Variants in HS1BP3 observed in about 807,000 individuals in gnomAD.
HS1BP3 encodes the protein HCLS1 binding protein 3, also known as HCLS1-binding protein 3.
HS1BP3 carries 32 observed loss-of-function variants against 33.5 expected under a neutral mutation model. The ratio of observed to expected loss-of-function variants is 0.95; its 90% CI spans 0.72 to 1.28. The LOEUF (loss-of-function observed/expected upper bound fraction) is 1.28, where lower values mean the gene tolerates loss of function less well. Ranked by LOEUF, HS1BP3 falls within the 50% of genes most tolerant of loss-of-function variation. HS1BP3 has a pLI of 0.00. For synonymous variants in HS1BP3, 187 were observed against 209.2 expected (o/e 0.89, Z 0.92); for missense variants, 486 against 502.3 (o/e 0.97, Z 0.31).
intron 3 of HS1BP3, chr2:20,640,581 G>C: frequency 2.2e-6 from 1 of 451,800 alleles, no homozygotes. Flanking sequence ...CAGCTTTCCC[G>C]GGATACTGCA....
At chr2:20,564,821 T>G (rs1323959007) in intron 5 of HS1BP3, among the ~76,000 whole-genome samples, 1 of 152,188 alleles carries the variant, frequency 6.6e-6, no homozygotes, top group Non-Finnish European at 1.5e-5. Context: ...GAGAGTCATT[T>G]TATGGGTCTC....
At chr2:20,608,618 C>T (rs1417884650) in intron 2 of HS1BP3, among the ~76,000 whole-genome samples, 4 of 150,892 alleles carry the variant, frequency 2.7e-5, no homozygotes, top group Non-Finnish European at 4.4e-5. Flanking sequence ...AACGGGCATC[C>T]TGTCTTGTTC....
chr2:20,561,562 C>G (rs1466070546), intron 5 of HS1BP3, among the ~76,000 whole-genome samples: 5 of 152,122 alleles, frequency 3.3e-5, no homozygotes, highest in African/African-American at 4.8e-5. Context: ...CACACACATA[C>G]ACACACACCC....
intron 1 of HS1BP3, among the ~76,000 whole-genome samples, chr2:20,645,954 TG>T (rs931925660): frequency 6.6e-6 from 1 of 152,050 alleles, no homozygotes; most frequent in Non-Finnish European, 1.5e-5. Flanking sequence ...ACAGGCCCCC[TG>T]GGGGGGACAC....
intron 1 of HS1BP3, among the ~76,000 whole-genome samples, chr2:20,646,647 C>T (rs1695529232): frequency 6.6e-6 from 1 of 152,274 alleles, no homozygotes; most frequent in East Asian, 1.9e-4. Flanking sequence ...AAAAGTGCAG[C>T]AAGGGCCGAA....
chr2:20,599,969 A>T (rs1373786714), intron 2 of HS1BP3, among the ~76,000 whole-genome samples: 2 of 152,100 alleles, frequency 1.3e-5, no homozygotes, highest in East Asian at 1.9e-4. Context: ...CAGCAGTGAG[A>T]GCTGATTCCA....
At chr2:20,563,166 T>C (rs730481) in intron 5 of HS1BP3, among the ~76,000 whole-genome samples, 6,249 of 152,320 alleles carry the variant, frequency 0.041, 280 homozygotes, top group African/African-American at 0.11. Flanking sequence ...GGGCTACTCG[T>C]CATGCTCACC....
chr2:20,622,226 A>T, intron 6 of HS1BP3: 10 of 1,298,814 alleles, frequency 7.7e-6, no homozygotes, highest in Middle Eastern at 2.1e-4. Flanking sequence ...AAGTCCAACT[A>T]CTCCCTGGAT....
chr2:20,573,291 T>C (rs1362638029), intron 5 of HS1BP3, among the ~76,000 whole-genome samples: 1 of 152,178 alleles, frequency 6.6e-6, no homozygotes, highest in African/African-American at 2.4e-5. Flanking sequence ...ATGGGCCTGC[T>C]GACACCTTGG....
At chr2:20,580,665 C>T (rs1693512153) in intron 5 of HS1BP3, among the ~76,000 whole-genome samples, 1 of 152,126 alleles carries the variant, frequency 6.6e-6, no homozygotes, top group African/African-American at 2.4e-5. Context: ...GTCAACCTCG[C>T]TAGTTATCAG....
chr2:20,624,599 G>A (rs932333303), intron 5 of HS1BP3, 133 bp downstream of exon 5: 5 of 816,248 alleles, frequency 6.1e-6, no homozygotes, highest in Non-Finnish European at 9.3e-6. Flanking sequence ...GCACAAAGCT[G>A]AGTCTATATC....
chr2:20,629,392 C>T (rs1376890470), intron 4 of HS1BP3, among the ~76,000 whole-genome samples: 1 of 152,214 alleles, frequency 6.6e-6, no homozygotes, highest in Admixed American at 6.5e-5. Flanking sequence ...GCCCTCCAGC[C>T]CGCCCTCTGC....
chr2:20,604,280 C>T (rs1008224230), intron 2 of HS1BP3, among the ~76,000 whole-genome samples: 6 of 152,174 alleles, frequency 3.9e-5, no homozygotes, highest in African/African-American at 1.2e-4. Flanking sequence ...TCATTCACCC[C>T]TCAGCTGCAG....
intron 6 of HS1BP3, 38 bp downstream of exon 6, chr2:20,623,858 C>G: frequency 3.1e-6 from 5 of 1,596,278 alleles, no homozygotes; most frequent in Admixed American, 3.5e-5. Flanking sequence ...CCAGAACACT[C>G]TCAGAGCTGG....
At chr2:20,572,807 G>A (rs56737091) in intron 5 of HS1BP3, among the ~76,000 whole-genome samples, 10,617 of 152,170 alleles carry the variant, frequency 0.07, 1,199 homozygotes, top group African/African-American at 0.24. Context: ...TCAGGAATCT[G>A]TGGACAGGAA....
chr2:20,557,042 T>C (rs866072377), downstream of HS1BP3, among the ~76,000 whole-genome samples: 1 of 148,112 alleles, frequency 6.8e-6, no homozygotes, highest in Non-Finnish European at 1.5e-5. Context: ...GCATGTAATA[T>C]GTCCTCAAAC....
Position 20,623,787 on chromosome 2 carries a change from G to A in HS1BP3, c.920+109C>T. The A allele has an allele frequency of 6.3e-6, 8 of 1,272,738 alleles. No individual in the cohort carries two copies. The South Asian group carries it at 1.3e-4, about 20-fold the overall frequency. 78.8% of individuals were successfully genotyped at this position (1,272,738 alleles called of 1,614,324 possible). ...GGCTTCTACTTTTCACAGGCCTGGG[G>A]TCCTCCCCTCAGAGGAGGCTGGGGC... On this transcript the variant is annotated intron_variant, in intron 6 of 6. Coordinates refer to ENST00000304031, the MANE Select transcript of HS1BP3 (RefSeq NM_022460.4).
At chr2:20,590,019 T>G (rs1431774954), downstream of HS1BP3, among the ~76,000 whole-genome samples, 1 of 152,156 alleles carries the variant, frequency 6.6e-6, no homozygotes, top group Non-Finnish European at 1.5e-5. Context: ...GCTCAATTAA[T>G]GTCTGGAGAG....
At chr2:20,588,788 C>T (rs1209203256), downstream of HS1BP3, among the ~76,000 whole-genome samples, 2 of 152,206 alleles carry the variant, frequency 1.3e-5, no homozygotes, top group African/African-American at 2.4e-5. Context: ...CCATGTGAGG[C>T]GAAGGCACAG....
Sources: gnomAD v4.1 joint callset for allele counts (sites outside exome capture counted in the v4.1 genomes callset) on GRCh38, gnomAD v4.1.1 for gene constraint, MANE v1.5 for transcripts, NCBI Gene and HGNC (gene_info 2026-07-23, HGNC 2026-07-21) for gene names.